The following ESRRB variants were observed in gnomAD, a reference collection of about 807,000 sequenced individuals.
ESRRB encodes estrogen related receptor beta, also known as steroid hormone receptor ERR2.
A neutral mutation model predicts 46.0 loss-of-function variants in ESRRB; 16 were observed. That is an observed-to-expected ratio of 0.35 (90% CI 0.24 to 0.53). The LOEUF (loss-of-function observed/expected upper bound fraction) is 0.53. ESRRB is among the 20% of genes least tolerant of loss of function. The probability of loss-of-function intolerance (pLI) is 0.93; values close to 1 mark genes in which losing one functional copy is unlikely to be tolerated. For synonymous variants in ESRRB, 246 were observed against 259.6 expected (o/e 0.95, Z 0.50); for missense variants, 488 against 607.4 (o/e 0.80, Z 2.07).
chr14:76,395,517 C>G (rs942418704), intron 1 of ESRRB, among the ~76,000 whole-genome samples: 1 of 152,148 alleles, frequency 6.6e-6, no homozygotes, highest in Non-Finnish European at 1.5e-5. Context: ...ATTCAGCTGA[C>G]AACTCAACTC....
In ESRRB at chr14:76,439,372, C is replaced by T; in HGVS notation, c.82C>T (p.His28Tyr). ...LLNRMSSDDR[H>Y]LGSSCGSFIK... is the part of the protein sequence containing the mutation. ...GAACAGGATGTCCTCGGACGACAGG[C>T]ACCTGGGCTCCAGCTGCGGCTCCTT... The change falls in exon 2 of 7, where the codon CAC becomes TAC. Residue 28 changes from histidine to tyrosine, a missense_variant. Physicochemically the swap from His to Tyr is moderately conservative, Grantham distance 83. Transcript: ENST00000644823. 1 of 1,613,706 alleles carries T rather than the reference C, an allele frequency of 6.2e-7. No homozygotes were observed. The highest frequency in any genetic ancestry group is 8.5e-7 in the Non-Finnish European group (1 of 1,180,044).
intron 1 of ESRRB, among the ~76,000 whole-genome samples, chr14:76,403,812 C>T (rs1814483): frequency 0.063 from 9,581 of 152,102 alleles, 432 homozygotes; most frequent in East Asian, 0.15. Flanking sequence ...CTGCAACCTC[C>T]GCCTCCTGGG....
At chr14:76,379,717 C>T (rs77968952) in intron 1 of ESRRB, among the ~76,000 whole-genome samples, 1,866 of 152,212 alleles carry the variant, frequency 0.012, 40 homozygotes, top group African/African-American at 0.042. Flanking sequence ...GCCCCGGTCC[C>T]GGGTAAGGCC....
intron 1 of ESRRB, among the ~76,000 whole-genome samples, chr14:76,329,453 C>A (rs556105189): frequency 6.6e-6 from 1 of 152,178 alleles, no homozygotes; most frequent in Non-Finnish European, 1.5e-5. Context: ...CAGAAAGATG[C>A]ACAGCACACT....
chr14:76,345,188 G>T (rs1032613150), intron 1 of ESRRB, among the ~76,000 whole-genome samples: 2 of 152,168 alleles, frequency 1.3e-5, no homozygotes, highest in Non-Finnish European at 2.9e-5. Flanking sequence ...AAGATAAATA[G>T]CTGGGACCTA....
chr14:76,449,185 AG>A (rs751569463), intron 2 of ESRRB, among the ~76,000 whole-genome samples: 3 of 152,204 alleles, frequency 2.0e-5, no homozygotes, highest in Non-Finnish European at 4.4e-5. Flanking sequence ...ACAATGTATC[AG>A]GTACATACTG....
intron 1 of ESRRB, among the ~76,000 whole-genome samples, chr14:76,391,853 CACA>C (rs890106611): frequency 6.6e-6 from 1 of 152,148 alleles, no homozygotes; most frequent in Non-Finnish European, 1.5e-5. Context: ...TTTTCTAATT[CACA>C]ACAAGCCACA....
intron 2 of ESRRB, among the ~76,000 whole-genome samples, chr14:76,442,160 T>C (rs1365649237): frequency 6.6e-6 from 1 of 152,236 alleles, no homozygotes. Flanking sequence ...TTTCTCTCTG[T>C]GCTTCAGTTA....
rs1051633962 is a variant in ESRRB at position 76,491,351 on chromosome 14, C to A, written c.851-96C>A. 6.7e-5 allele frequency: 88 copies of A among 1,311,626 alleles called. 1 individual carries two copies. In the Admixed American group the frequency reaches 8.9e-4, roughly 13 times the overall value. 81.2% of individuals were successfully genotyped at this position (1,311,626 alleles called of 1,614,324 possible). A position where few individuals can be genotyped will look rare whatever the true frequency, so the allele number is the denominator to read the frequency against. On this transcript the variant is annotated intron_variant, in intron 5 of 6. Coordinates refer to ENST00000644823, the MANE Select transcript of ESRRB (RefSeq NM_001379180.1). ...GGTGCCAGGGACACCCCGCAACCAGCCACGCCCTGCAACCTCTGCCCCCAG... is the reference window on the plus strand; with the variant it reads ...GGTGCCAGGGACACCCCGCAACCAGACACGCCCTGCAACCTCTGCCCCCAG...
At chr14:76,430,751 C>T (rs575341650) in intron 1 of ESRRB, among the ~76,000 whole-genome samples, 1 of 152,316 alleles carries the variant, frequency 6.6e-6, no homozygotes, top group South Asian at 2.1e-4. Context: ...CGTCTGCTAC[C>T]AGCATGCAGG....
intron 1 of ESRRB, among the ~76,000 whole-genome samples, chr14:76,437,313 T>G (rs1333705785): frequency 2.0e-5 from 3 of 152,180 alleles, no homozygotes; most frequent in Non-Finnish European, 4.4e-5. Context: ...ATTACAGGCA[T>G]GAGCCACCAC....
At chr14:76,416,133 C>CTT (rs550161182) in intron 1 of ESRRB, among the ~76,000 whole-genome samples, 6,468 of 131,686 alleles carry the variant, frequency 0.049, 620 homozygotes, top group African/African-American at 0.18. Flanking sequence ...ACCATTTTCC[C>CTT]TTTTTTTTTT....
At chr14:76,396,399 G>A (rs1885683475) in intron 1 of ESRRB, among the ~76,000 whole-genome samples, 1 of 152,132 alleles carries the variant, frequency 6.6e-6, no homozygotes, top group South Asian at 2.1e-4. Flanking sequence ...TGTCCTTTGA[G>A]TTAGCTGTAG....
At chr14:76,416,133 C>CTTT (rs550161182) in intron 1 of ESRRB, among the ~76,000 whole-genome samples, 90 of 131,748 alleles carry the variant, frequency 6.8e-4, no homozygotes, top group African/African-American at 2.2e-3. Flanking sequence ...ACCATTTTCC[C>CTTT]TTTTTTTTTT....
At chr14:76,444,787 T>A (rs1229727539) in intron 2 of ESRRB, among the ~76,000 whole-genome samples, 1 of 151,990 alleles carries the variant, frequency 6.6e-6, no homozygotes, top group Non-Finnish European at 1.5e-5. Flanking sequence ...ATTCAGGTCA[T>A]TTTTTTTAAG....
chr14:76,379,815 T>A (rs1188830825), intron 1 of ESRRB, among the ~76,000 whole-genome samples: 1 of 140,230 alleles, frequency 7.1e-6, no homozygotes, highest in African/African-American at 2.7e-5. Flanking sequence ...TTAGAAACAA[T>A]CCTTTATTTT....
intron 3 of ESRRB, among the ~76,000 whole-genome samples, chr14:76,465,712 C>T (rs563316166): frequency 7.2e-5 from 11 of 152,164 alleles, no homozygotes; most frequent in African/African-American, 2.4e-4. Context: ...CAGACATGCT[C>T]GGCTCGAAAA....
At chr14:76,424,880 G>A (rs1244710934) in intron 1 of ESRRB, among the ~76,000 whole-genome samples, 2 of 152,090 alleles carry the variant, frequency 1.3e-5, no homozygotes, top group Non-Finnish European at 2.9e-5. Context: ...GGGATTACAG[G>A]CATGCACCAC....
chr14:76,350,691 C>T (rs1360497344), intron 1 of ESRRB, among the ~76,000 whole-genome samples: 1 of 152,174 alleles, frequency 6.6e-6, no homozygotes, highest in African/African-American at 2.4e-5. Flanking sequence ...ACAGCTGTAT[C>T]GAGGCACTTT....
Sources: gnomAD v4.1 joint callset for allele counts (sites outside exome capture counted in the v4.1 genomes callset) on GRCh38, gnomAD v4.1.1 for gene constraint, MANE v1.5 for transcripts, NCBI Gene and HGNC (gene_info 2026-07-23, HGNC 2026-07-21) for gene names.